The following ERGIC1 variants were observed in gnomAD, a reference collection of about 807,000 sequenced individuals.
ERGIC1 encodes endoplasmic reticulum-Golgi intermediate compartment protein 1.
A neutral mutation model predicts 38.3 loss-of-function variants in ERGIC1; 19 were observed. The ratio of observed to expected loss-of-function variants is 0.50; its 90% CI spans 0.35 to 0.73. ERGIC1 has a LOEUF of 0.73. Among genes scored for constraint, ERGIC1 ranks in the 30% least tolerant of loss-of-function variants. The pLI is 0.01. For missense variants in ERGIC1, 294 were observed against 389.2 expected, an observed-to-expected ratio of 0.76 and a Z score of 2.06; for synonymous variants, 124 against 157.6, an observed-to-expected ratio of 0.79 and a Z score of 1.60.
chr5:172,858,516 T>C (rs540860574), intron 1 of ERGIC1, among the ~76,000 whole-genome samples: 2 of 152,210 alleles, frequency 1.3e-5, no homozygotes, highest in East Asian at 1.9e-4. Context: ...AACTCACAAT[T>C]TGCACTTAGT....
intron 5 of ERGIC1, among the ~76,000 whole-genome samples, chr5:172,919,244 G>A (rs1356872800): frequency 6.6e-6 from 1 of 152,208 alleles, no homozygotes; most frequent in Non-Finnish European, 1.5e-5. Flanking sequence ...AGGTTACAAA[G>A]GAAGCCCTGT....
chr5:172,907,853 T>C (rs1339984728), intron 3 of ERGIC1, among the ~76,000 whole-genome samples: 1 of 152,158 alleles, frequency 6.6e-6, no homozygotes, highest in East Asian at 1.9e-4. Context: ...GATGTCTGGT[T>C]CTTGTGTCTA....
chr5:172,946,152 G>T (rs1241777608), intron 9 of ERGIC1, among the ~76,000 whole-genome samples: 3 of 152,110 alleles, frequency 2.0e-5, no homozygotes, highest in Non-Finnish European at 4.4e-5. Flanking sequence ...CCCTCACCAT[G>T]TCCAGCAGGG....
rs192312797 is a variant in ERGIC1, at chr5:172,891,848, T to A, written c.82+3088T>A. Among the ~76,000 whole-genome samples, 3 of 152,324 alleles carry A rather than the reference T, an allele frequency of 2.0e-5. No individual in the cohort carries two copies. In the East Asian group the frequency reaches 5.8e-4, roughly 29 times the overall value. ...TCTGCTGATACATCCTGGGCACCTT[T>A]CCTGCCAGCGGATAAACAGCCACCA... On this transcript the variant is annotated intron_variant, in intron 2 of 9. Transcript: ENST00000393784.
In ERGIC1 at chr5:172,836,392, T is replaced by TC. The variant is rs1761037704; in HGVS notation, c.20+1960dup. Among the ~76,000 whole-genome samples, 3 of 152,190 alleles carry TC rather than the reference T, an allele frequency of 2.0e-5. No individual in the cohort carries two copies. In the South Asian group the frequency reaches 6.2e-4, roughly 31 times the overall value. The stretch of plus-strand genomic sequence containing the variant: ...TAGTCTGGGGCTCCCTTGGCATACT[T>TC]CAGGTCCCTGAGTGCCCAGGTGTCA... On this transcript the variant is annotated intron_variant, in intron 1 of 9. Coordinates refer to ENST00000393784, the MANE Select transcript of ERGIC1 (RefSeq NM_001031711.3).
intron 1 of ERGIC1, among the ~76,000 whole-genome samples, chr5:172,873,088 T>A (rs1410887732): frequency 6.6e-6 from 1 of 152,234 alleles, no homozygotes; most frequent in African/African-American, 2.4e-5. Context: ...CCGGAATAGC[T>A]CCTGCCGCTC....
At chr5:172,939,784 C>T (rs1232320004) in intron 9 of ERGIC1, among the ~76,000 whole-genome samples, 1 of 152,250 alleles carries the variant, frequency 6.6e-6, no homozygotes, top group African/African-American at 2.4e-5. Flanking sequence ...CCGGCTGTCC[C>T]TGGCAGATGG....
At chr5:172,855,144 A>G (rs12055297) in intron 1 of ERGIC1, among the ~76,000 whole-genome samples, 2 of 152,252 alleles carry the variant, frequency 1.3e-5, no homozygotes, top group East Asian at 1.9e-4. Flanking sequence ...AGGTCACTGC[A>G]CCACCTACCA....
intron 1 of ERGIC1, among the ~76,000 whole-genome samples, chr5:172,886,778 G>T (rs755217835): frequency 1.3e-5 from 2 of 152,112 alleles, no homozygotes; most frequent in South Asian, 4.1e-4. Context: ...GTTAAGTGAC[G>T]GTCCCAGGGT....
At chr5:172,932,573 G>C (rs781661543) in intron 8 of ERGIC1, 37 bp downstream of exon 8, 28 of 1,597,318 alleles carry the variant, frequency 1.8e-5, no homozygotes, top group Middle Eastern at 1.7e-4. Flanking sequence ...TGTGTGCGGC[G>C]GCGCCCTCTG....
chr5:172,881,275 GTC>G (rs1384606404), intron 1 of ERGIC1, among the ~76,000 whole-genome samples: 1 of 152,096 alleles, frequency 6.6e-6, no homozygotes, highest in Non-Finnish European at 1.5e-5. Context: ...AAGTGAAACT[GTC>G]TAAGTATCCA....
intron 1 of ERGIC1, among the ~76,000 whole-genome samples, chr5:172,844,992 G>C (rs1330919042): frequency 1.3e-5 from 2 of 152,006 alleles, no homozygotes; most frequent in African/African-American, 4.8e-5. Flanking sequence ...CCTCAAGTCA[G>C]GTAGGAGCCA....
At chr5:172,945,999 T>C (rs1199074557) in intron 9 of ERGIC1, among the ~76,000 whole-genome samples, 1 of 152,214 alleles carries the variant, frequency 6.6e-6, no homozygotes, top group Non-Finnish European at 1.5e-5. Flanking sequence ...TCCTGTTTTA[T>C]AGATGAAGAA....
At chr5:172,866,515 C>A (rs1402813892) in intron 1 of ERGIC1, among the ~76,000 whole-genome samples, 1 of 152,226 alleles carries the variant, frequency 6.6e-6, no homozygotes, top group Admixed American at 6.5e-5. Context: ...GTACCCTACA[C>A]CCTGCAGCTG....
At chr5:172,901,722 C>T (rs551321332) in intron 3 of ERGIC1, among the ~76,000 whole-genome samples, 193 of 152,220 alleles carry the variant, frequency 1.3e-3, no homozygotes, top group Non-Finnish European at 2.5e-3. Flanking sequence ...CTCAGCCTCC[C>T]GAGTGGCTGG....
chr5:172,859,541 G>GC (rs1761644286), intron 1 of ERGIC1, among the ~76,000 whole-genome samples: 1 of 152,222 alleles, frequency 6.6e-6, no homozygotes, highest in South Asian at 2.1e-4. Flanking sequence ...TTGAAGTGTG[G>GC]CTGCTCTCAT....
intron 3 of ERGIC1, among the ~76,000 whole-genome samples, chr5:172,903,968 T>TATACAC (rs141778986): frequency 2.7e-5 from 4 of 150,402 alleles, no homozygotes; most frequent in Admixed American, 2.6e-4. Flanking sequence ...GTCTCACACA[T>TATACAC]ACACACACAC....
At chr5:172,876,834 T>C (rs1762148772) in intron 1 of ERGIC1, among the ~76,000 whole-genome samples, 1 of 152,174 alleles carries the variant, frequency 6.6e-6, no homozygotes, top group Non-Finnish European at 1.5e-5. Flanking sequence ...TGGACCCTAG[T>C]TTGCCTGCCA....
intron 1 of ERGIC1, chr5:172,867,115 TG>T: frequency 2.2e-6 from 1 of 447,904 alleles, no homozygotes; most frequent in African/African-American, 2.0e-5. Flanking sequence ...CTTCAGGCTG[TG>T]GGGGCTCTGC....
Sources: allele counts gnomAD v4.1 joint callset (sites outside exome capture counted in the v4.1 genomes callset), GRCh38; gene constraint gnomAD v4.1.1; transcripts MANE v1.5; gene names NCBI Gene and HGNC (gene_info 2026-07-23, HGNC 2026-07-21).